The following COL4A3 variants were observed in gnomAD, a reference collection of about 807,000 sequenced individuals.
COL4A3 encodes the protein collagen alpha-3(IV) chain.
In COL4A3, 135 loss-of-function variants were observed where a neutral mutation model predicts 217.4. The ratio of observed to expected loss-of-function variants is 0.62; its 90% CI spans 0.54 to 0.72. The LOEUF (loss-of-function observed/expected upper bound fraction) is 0.72. Ranked by LOEUF, COL4A3 falls within the 30% of genes least tolerant of loss-of-function variation. COL4A3 has a pLI of 0.00. For synonymous variants in COL4A3, 690 were observed against 736.3 expected (o/e 0.94, Z 1.02); for missense variants, 1,868 against 2,119.9 (o/e 0.88, Z 2.33).
chr2:227,224,702 C>T (rs1423642247), intron 1 of COL4A3, among the ~76,000 whole-genome samples: 1 of 151,820 alleles, frequency 6.6e-6, no homozygotes, highest in Non-Finnish European at 1.5e-5. Context: ...TTGCAGTGAG[C>T]CGAGATCATG....
At position 227,249,212 on chromosome 2, in the gene COL4A3, GTATA is replaced by G. The variant is rs1553751598; in HGVS notation, c.546+708_546+711del. Among the ~76,000 whole-genome samples the G allele has an allele frequency of 6.6e-4, 22 of 33,228 alleles. 2 individuals carry two copies. The East Asian group carries it at 0.013, about 19-fold the overall frequency. The allele number at this position is 33,228 out of a possible 152,430, so 21.8% of individuals were successfully genotyped here. On this transcript the variant is annotated intron_variant, in intron 9 of 51. Coordinates refer to ENST00000396578, the MANE Select transcript of COL4A3 (RefSeq NM_000091.5). Reference sequence around the variant, plus strand: ...AATTATATATAACCAAAATTAGCTAGTATATATATATATATATATTTTTTTTTTT... The same window carrying G: ...AATTATATATAACCAAAATTAGCTAGTATATATATATATATTTTTTTTTTT...
chr2:227,280,956 C>T lies in COL4A3; in HGVS notation c.2438C>T (p.Pro813Leu), dbSNP rs2071921518. The T allele has an allele frequency of 1.9e-6, 3 of 1,567,810 alleles. No individual in the cohort carries two copies. The highest frequency in any genetic ancestry group is 1.4e-5 in the African/African-American group (1 of 73,602). ...QGPPGRCIEGPRGAQGLPGLN... is the reference protein window; with the variant it reads ...QGPPGRCIEGLRGAQGLPGLN... Reference sequence around the variant, plus strand: ...CCCCCAGGAAGGTGCATAGAGGGTCCCAGGGGAGCCCAAGGACTTCCAGGC... The same window carrying T: ...CCCCCAGGAAGGTGCATAGAGGGTCTCAGGGGAGCCCAAGGACTTCCAGGC... Residue 813 changes from proline to leucine, a missense_variant, in exon 31 of 52, where the codon CCC becomes CTC. Around this residue, in one of 2 missense-constraint regions of COL4A3, gnomAD observed 1,503 missense variants for 1,786.1 expected, o/e 0.84. Coordinates refer to ENST00000396578, the MANE Select transcript of COL4A3 (RefSeq NM_000091.5).
intron 3 of COL4A3, among the ~76,000 whole-genome samples, chr2:227,242,671 A>G (rs1024309455): frequency 2.0e-5 from 3 of 152,196 alleles, no homozygotes; most frequent in African/African-American, 7.2e-5. Context: ...ACCAAATATT[A>G]GAACAAAAGA....
At chr2:227,195,445 G>A (rs1384674669) in intron 1 of COL4A3, among the ~76,000 whole-genome samples, 1 of 152,136 alleles carries the variant, frequency 6.6e-6, no homozygotes, top group Non-Finnish European at 1.5e-5. Context: ...CTATAGACTA[G>A]TGATGTATAG....
Position 227,280,693 on chromosome 2 carries a change from T to C in COL4A3, c.2374+103T>C. The C allele has an allele frequency of 3.7e-6, 5 of 1,353,822 alleles. No individual in the cohort carries two copies. In the South Asian group the frequency reaches 5.9e-5, roughly 16 times the overall value. The allele number at this position is 1,353,822 out of a possible 1,614,324, so 83.9% of individuals were successfully genotyped here. A position where few individuals can be genotyped will look rare whatever the true frequency, so the allele number is the denominator to read the frequency against. On this transcript the variant is annotated intron_variant, in intron 30 of 51. Transcript: ENST00000396578. Reference sequence around the variant, plus strand: ...AGGCATGAAGAATTCTCCCATCCAATGTTCCTGCCCTACCTTTCTTCCTTC... The same window carrying C: ...AGGCATGAAGAATTCTCCCATCCAACGTTCCTGCCCTACCTTTCTTCCTTC...
intron 1 of COL4A3, among the ~76,000 whole-genome samples, chr2:227,212,641 GT>G (rs1397188528): frequency 1.3e-5 from 2 of 152,156 alleles, no homozygotes; most frequent in Non-Finnish European, 2.9e-5. Flanking sequence ...CAACACCACA[GT>G]ATCTTAATTA....
In COL4A3 at chr2:227,245,970, C is replaced by G. The variant is rs1469741957; in HGVS notation, c.341C>G (p.Thr114Ser). 1 of 1,613,904 alleles carries G rather than the reference C, an allele frequency of 6.2e-7. No homozygotes were observed. Among genetic ancestry groups the G allele is most frequent in the Admixed American group, 1.7e-5 (1 of 59,994 alleles). Residue 114 changes from threonine (T) to serine (S), a missense_variant, in exon 6 of 52, where the codon ACC becomes AGC. Physicochemically the swap from Thr to Ser is moderately conservative, Grantham distance 58 (BLOSUM62 1). This residue lies in a region of COL4A3 where 365 missense variants were observed against 333.8 expected (regional missense o/e 1.09). Transcript: ENST00000396578. The stretch of plus-strand genomic sequence containing the variant: ...TTCTTCCAGGGCACCCCAGGCAATA[C>G]CGGGCCTTACGGACTTGTCGGTGTA... ...SPGLPGTPGN[T>S]GPYGLVGVPG...
At chr2:227,290,971 G>A (rs1045836826) in intron 37 of COL4A3, 85 bp downstream of exon 37, 14 of 1,476,724 alleles carry the variant, frequency 9.5e-6, no homozygotes, top group Non-Finnish European at 1.3e-5. Context: ...TTCGGTGTGG[G>A]CAGAGAAAAT....
chr2:227,302,663 C>A (rs543280447), intron 43 of COL4A3, among the ~76,000 whole-genome samples: 9 of 79,916 alleles, frequency 1.1e-4, no homozygotes, highest in African/African-American at 3.0e-4. Flanking sequence ...GAGGACAAAA[C>A]GAGACTCTTT....
chr2:227,273,362 T>C (rs1196757853), intron 26 of COL4A3, among the ~76,000 whole-genome samples: 4 of 152,172 alleles, frequency 2.6e-5, no homozygotes, highest in African/African-American at 4.8e-5. Flanking sequence ...TACATACATA[T>C]ATATATATGA....
intron 1 of COL4A3, among the ~76,000 whole-genome samples, chr2:227,219,552 A>T (rs1287998479): frequency 6.6e-6 from 1 of 152,208 alleles, no homozygotes; most frequent in African/African-American, 2.4e-5. Flanking sequence ...TCAGTCAATC[A>T]TCAAAATGTC....
At chr2:227,249,230 A>AT (rs1247683938) in intron 9 of COL4A3, among the ~76,000 whole-genome samples, 175 of 14,688 alleles carry the variant, frequency 0.012, 36 homozygotes, top group Middle Eastern at 0.038. Context: ...ATATATATAT[A>AT]TTTTTTTTTT....
At chr2:227,207,253 G>A (rs1184067109) in intron 1 of COL4A3, among the ~76,000 whole-genome samples, 2 of 152,084 alleles carry the variant, frequency 1.3e-5, no homozygotes, top group Non-Finnish European at 2.9e-5. Context: ...AACCAAGAAA[G>A]TTAGTAACCC....
At chr2:227,181,366 T>A (rs1467376338) in intron 1 of COL4A3, among the ~76,000 whole-genome samples, 2 of 152,232 alleles carry the variant, frequency 1.3e-5, no homozygotes, top group African/African-American at 4.8e-5. Context: ...ATGCACTCTT[T>A]TACAGAAACT....
intron 18 of COL4A3, among the ~76,000 whole-genome samples, chr2:227,258,985 G>T (rs1025605560): frequency 6.6e-6 from 1 of 150,864 alleles, no homozygotes; most frequent in African/African-American, 2.4e-5. Flanking sequence ...GATCCATCTA[G>T]CATATGAAAA....
At chr2:227,310,752 T>C in intron 50 of COL4A3, 24 bp from the exon 51 acceptor site, 1 of 1,610,738 alleles carries the variant, frequency 6.2e-7, no homozygotes, top group Non-Finnish European at 8.5e-7. Context: ...AGAGTGTTTA[T>C]TCAGATTTTT....
chr2:227,296,745 G>A (rs1051693126), intron 41 of COL4A3, among the ~76,000 whole-genome samples: 2 of 152,102 alleles, frequency 1.3e-5, no homozygotes, highest in African/African-American at 4.8e-5. Flanking sequence ...AAAAGCTAAA[G>A]GATGTGAATA....
At chr2:227,249,230 A>ATATATATATATATTTTTTTTTTTT in intron 9 of COL4A3, among the ~76,000 whole-genome samples, 7 of 14,690 alleles carry the variant, frequency 4.8e-4, no homozygotes, top group African/African-American at 1.6e-3. Context: ...ATATATATAT[A>ATATATATATATATTTTTTTTTTTT]TTTTTTTTTT....
chr2:227,218,749 G>T (rs34820446), intron 1 of COL4A3, among the ~76,000 whole-genome samples: 68,371 of 151,990 alleles, frequency 0.45, 16,701 homozygotes, highest in Non-Finnish European at 0.57. Context: ...TCATCTTGGA[G>T]ACTTATAAAA....
Sources: allele counts gnomAD v4.1 joint callset (sites outside exome capture counted in the v4.1 genomes callset), GRCh38; gene constraint gnomAD v4.1.1; regional missense constraint gnomAD v4.1.1; transcripts MANE v1.5; gene names NCBI Gene and HGNC (gene_info 2026-07-23, HGNC 2026-07-21).